Variants in LRRC4C observed in about 807,000 individuals in gnomAD.
LRRC4C encodes the protein leucine-rich repeat-containing protein 4C.
LRRC4C carries 5 observed loss-of-function variants against 33.6 expected under a neutral mutation model. The ratio of observed to expected loss-of-function variants is 0.15; its 90% confidence interval spans 0.08 to 0.31. LRRC4C has a LOEUF of 0.31. Ranked by LOEUF, LRRC4C falls within the 10% of genes least tolerant of loss-of-function variation. The probability of loss-of-function intolerance (pLI) is 1.00; values close to 1 mark genes in which losing one functional copy is unlikely to be tolerated. For synonymous variants in LRRC4C, 329 were observed against 302.0 expected (o/e 1.09, Z -0.93); for missense variants, 560 against 796.7 (o/e 0.70, Z 3.58).
At chr11:41,174,783 T>A (rs1270685182) in intron 1 of LRRC4C, among the ~76,000 whole-genome samples, 3 of 152,074 alleles carry the variant, frequency 2.0e-5, no homozygotes, top group African/African-American at 7.2e-5. Flanking sequence ...TAATTTGTTT[T>A]TTTTAAAAAA....
intron 1 of LRRC4C, among the ~76,000 whole-genome samples, chr11:41,053,599 T>C (rs1858412258): frequency 6.6e-6 from 1 of 152,168 alleles, no homozygotes; most frequent in Admixed American, 6.6e-5. Context: ...AATTTTTTGG[T>C]AATATTATTA....
chr11:40,775,326 C>T (rs1001569988), intron 2 of LRRC4C, among the ~76,000 whole-genome samples: 2 of 151,954 alleles, frequency 1.3e-5, no homozygotes, highest in African/African-American at 2.4e-5. Context: ...AGGGGAATGG[C>T]GTGAACCCGG....
chr11:41,100,841 G>A (rs1226986071), intron 1 of LRRC4C, among the ~76,000 whole-genome samples: 1 of 151,996 alleles, frequency 6.6e-6, no homozygotes, highest in Non-Finnish European at 1.5e-5. Flanking sequence ...CACAAAAACA[G>A]ACACATAAAC....
At chr11:40,945,735 T>G (rs558419235) in intron 1 of LRRC4C, among the ~76,000 whole-genome samples, 21 of 152,238 alleles carry the variant, frequency 1.4e-4, no homozygotes, top group African/African-American at 4.8e-4. Context: ...GGAAAGGAGT[T>G]TGTTGCTCCT....
rs369525170 is a variant in LRRC4C at position 40,838,676 on chromosome 11, T to C, written c.-407+94959A>G. 1.2e-4 allele frequency among the ~76,000 whole-genome samples: 19 copies of C among 152,126 alleles called. 2 individuals carry two copies. The East Asian group carries it at 1.5e-3, about 12-fold the overall frequency. On this transcript the variant is annotated intron_variant, in intron 2 of 6. Transcript: ENST00000528697. ...TATCTGTTGAAAATATGAGTTGTAGTAACTGACCCAAACACCCACACACAT... is the reference window on the plus strand; with the variant it reads ...TATCTGTTGAAAATATGAGTTGTAGCAACTGACCCAAACACCCACACACAT...
intron 1 of LRRC4C, among the ~76,000 whole-genome samples, chr11:40,960,336 G>T (rs1813714449): frequency 6.6e-6 from 1 of 151,708 alleles, no homozygotes; most frequent in African/African-American, 2.4e-5. Flanking sequence ...TGATATGTAA[G>T]AAATTATTTG....
Position 40,904,920 on chromosome 11 carries a change from A to C in LRRC4C, c.-407+28715T>G, listed in dbSNP as rs995886527. Among the ~76,000 whole-genome samples, 3 of 152,290 alleles carry C rather than the reference A, an allele frequency of 2.0e-5. No individual in the cohort carries two copies. In the East Asian group the frequency reaches 5.8e-4, roughly 29 times the overall value. Reference sequence around the variant, plus strand: ...AAAGGATGAAGCCAGCCAGTGAGACATGATAAACCACGCTCAAGAGGAAAG... The same window carrying C: ...AAAGGATGAAGCCAGCCAGTGAGACCTGATAAACCACGCTCAAGAGGAAAG... On this transcript the variant is annotated intron_variant, in intron 2 of 6. Transcript: ENST00000528697.
intron 1 of LRRC4C, among the ~76,000 whole-genome samples, chr11:41,010,918 T>C (rs1348564163): frequency 2.0e-5 from 3 of 152,120 alleles, no homozygotes; most frequent in Non-Finnish European, 2.9e-5. Context: ...GATGTAAGGA[T>C]TGAAAATATT....
chr11:40,708,125 A>T (rs899088447), intron 2 of LRRC4C, among the ~76,000 whole-genome samples: 1 of 151,872 alleles, frequency 6.6e-6, no homozygotes, highest in Non-Finnish European at 1.5e-5. Flanking sequence ...GTCTTGCTAG[A>T]GGTCTATCAA....
intron 1 of LRRC4C, among the ~76,000 whole-genome samples, chr11:41,434,913 A>G (rs1383255547): frequency 1.3e-5 from 2 of 152,136 alleles, no homozygotes; most frequent in Non-Finnish European, 2.9e-5. Flanking sequence ...TTTTGTTTTC[A>G]GGCTGAGGTG....
chr11:41,422,025 A>T (rs1416212148), intron 1 of LRRC4C, among the ~76,000 whole-genome samples: 1 of 152,102 alleles, frequency 6.6e-6, no homozygotes, highest in Non-Finnish European at 1.5e-5. Context: ...AAGGAAGATA[A>T]TAAAATAAAC....
At chr11:40,129,316 G>C (rs1856484813) in intron 6 of LRRC4C, among the ~76,000 whole-genome samples, 1 of 152,162 alleles carries the variant, frequency 6.6e-6, no homozygotes, top group African/African-American at 2.4e-5. Flanking sequence ...GAGCTGAGAA[G>C]AACAGTGATT....
intron 2 of LRRC4C, among the ~76,000 whole-genome samples, chr11:40,704,087 A>T (rs1438450468): frequency 6.6e-6 from 1 of 152,208 alleles, no homozygotes; most frequent in East Asian, 1.9e-4. Context: ...ACTACAAAAA[A>T]TAATACAAAT....
chr11:41,066,937 A>G (rs550240851), intron 1 of LRRC4C, among the ~76,000 whole-genome samples: 4 of 152,284 alleles, frequency 2.6e-5, no homozygotes, highest in South Asian at 4.1e-4. Flanking sequence ...GGAAAGAAAA[A>G]ACTGATACCA....
At chr11:40,594,235 G>C (rs1959172857) in intron 3 of LRRC4C, among the ~76,000 whole-genome samples, 1 of 152,170 alleles carries the variant, frequency 6.6e-6, no homozygotes, top group African/African-American at 2.4e-5. Context: ...AATGTTTGTT[G>C]ACCCCTTGCA....
chr11:41,148,169 C>T (rs1202510432), intron 1 of LRRC4C, among the ~76,000 whole-genome samples: 1 of 151,992 alleles, frequency 6.6e-6, no homozygotes, highest in East Asian at 1.9e-4. Flanking sequence ...GTGCGTGCCA[C>T]CATGCCTGGC....
intron 5 of LRRC4C, among the ~76,000 whole-genome samples, chr11:40,217,464 G>A (rs1193314547): frequency 6.6e-6 from 1 of 151,986 alleles, no homozygotes; most frequent in Non-Finnish European, 1.5e-5. Flanking sequence ...GCTCTGGATT[G>A]AGTCCTGATT....
chr11:40,841,215 T>C (rs750138703), intron 2 of LRRC4C, among the ~76,000 whole-genome samples: 1 of 152,210 alleles, frequency 6.6e-6, no homozygotes, highest in Non-Finnish European at 1.5e-5. Context: ...TATTGCTAAG[T>C]CAAAATCTAT....
intron 1 of LRRC4C, among the ~76,000 whole-genome samples, chr11:41,094,292 A>T (rs1405474664): frequency 6.6e-6 from 1 of 152,016 alleles, no homozygotes; most frequent in Non-Finnish European, 1.5e-5. Context: ...CCTACTGGCC[A>T]AGACGGGCGG....
Sources: allele counts gnomAD v4.1 joint callset (sites outside exome capture counted in the v4.1 genomes callset), GRCh38; gene constraint gnomAD v4.1.1; transcripts MANE v1.5; gene names NCBI Gene and HGNC (gene_info 2026-07-23, HGNC 2026-07-21).